PDE1B: variants seen among roughly 807,000 people sequenced by gnomAD.
PDE1B encodes dual specificity calcium/calmodulin-dependent 3',5'-cyclic nucleotide phosphodiesterase 1B.
Under a neutral mutation model 66.7 loss-of-function variants are expected in PDE1B, and 13 were observed. The observed-to-expected ratio is 0.19, with a 90% confidence interval of 0.13 to 0.31. PDE1B has a LOEUF of 0.31. Among genes scored for constraint, PDE1B ranks in the 10% least tolerant of loss-of-function variants. The probability of loss-of-function intolerance (pLI) is 1.00; values close to 1 mark genes in which losing one functional copy is unlikely to be tolerated. For synonymous variants in PDE1B, 230 were observed against 253.9 expected (o/e 0.91, Z 0.90); for missense variants, 485 against 682.3 (o/e 0.71, Z 3.22).
rs770369729 is a variant in PDE1B, at chr12:54,572,726, C to T, written c.720C>T (p.Leu240=). The change falls in exon 7 of 16, where the codon CTC becomes CTT. Residue 240 remains leucine, a synonymous_variant. Transcript: ENST00000243052. ...DVTQTVHCFL[L]RTGMVHCLSE... Reference sequence around the variant, plus strand: ...CCCAGACAGTCCATTGCTTCTTGCTCCGCACAGGGATGGTGGTAGGTGCCC... The same window carrying T: ...CCCAGACAGTCCATTGCTTCTTGCTTCGCACAGGGATGGTGGTAGGTGCCC... The T allele has an allele frequency of 1.0e-4, 161 of 1,614,046 alleles. No individual in the cohort carries two copies. The highest frequency in any genetic ancestry group is 1.3e-4 in the Non-Finnish European group (157 of 1,180,010).
intron 2 of PDE1B, among the ~76,000 whole-genome samples, chr12:54,558,063 G>T (rs533617783): frequency 6.6e-6 from 1 of 152,042 alleles, no homozygotes; most frequent in East Asian, 1.9e-4. Flanking sequence ...TCCCTTTCTC[G>T]TGTGATCTGA....
intron 10 of PDE1B, chr12:54,574,441 C>T (rs895101680): frequency 6.6e-6 from 1 of 152,396 alleles, no homozygotes; most frequent in Admixed American, 6.5e-5. Flanking sequence ...CTCAGAACCA[C>T]TCGATATGTG....
chr12:54,559,009 G>T (rs779091737), intron 2 of PDE1B, among the ~76,000 whole-genome samples: 48 of 152,078 alleles, frequency 3.2e-4, no homozygotes, highest in Non-Finnish European at 5.7e-4. Context: ...CTTTCCCAAG[G>T]TCACACATAG....
At chr12:54,550,764 T>A (rs970788301) in intron 2 of PDE1B, among the ~76,000 whole-genome samples, 1 of 152,178 alleles carries the variant, frequency 6.6e-6, no homozygotes, top group Non-Finnish European at 1.5e-5. Flanking sequence ...CTTTTCCTAT[T>A]GTTGCAGTAC....
chr12:54,549,794 G>T, intron 1 of PDE1B, 22 bp downstream of exon 1: 3 of 1,124,122 alleles, frequency 2.7e-6, no homozygotes, highest in Admixed American at 3.6e-5. Flanking sequence ...CTGGGATGGG[G>T]GGTGAGGGTC....
chr12:54,555,527 A>T (rs186684300), intron 2 of PDE1B, among the ~76,000 whole-genome samples: 8 of 152,292 alleles, frequency 5.3e-5, no homozygotes, highest in African/African-American at 1.9e-4. Flanking sequence ...AAGCCTGCAC[A>T]TCTATATAAC....
chr12:54,574,506 A>G (rs570368243), intron 10 of PDE1B: 2 of 152,344 alleles, frequency 1.3e-5, no homozygotes, highest in Non-Finnish European at 2.9e-5. Context: ...GGAAATTTTA[A>G]GTAACTTGCT....
chr12:54,572,205 G>A (rs569131083), intron 6 of PDE1B: 1 of 170,168 alleles, frequency 5.9e-6, no homozygotes, highest in Admixed American at 5.8e-5. Flanking sequence ...CCTTCTTCAT[G>A]GTTTTGGATG....
intron 2 of PDE1B, among the ~76,000 whole-genome samples, chr12:54,560,480 T>G (rs1460212589): frequency 6.6e-6 from 1 of 152,188 alleles, no homozygotes; most frequent in Non-Finnish European, 1.5e-5. Flanking sequence ...TTTTCCCCAA[T>G]GCGTTGGGCT....
intron 3 of PDE1B, 97 bp downstream of exon 3, chr12:54,567,184 G>T: frequency 1.6e-6 from 1 of 624,444 alleles, no homozygotes. Context: ...GGCATGGACA[G>T]AGACCGGAAG....
intron 2 of PDE1B, among the ~76,000 whole-genome samples, chr12:54,565,503 C>T (rs1957498103): frequency 6.6e-6 from 1 of 152,328 alleles, no homozygotes; most frequent in Middle Eastern, 3.4e-3. Flanking sequence ...TATTCCTCCT[C>T]CCTAATGAAG....
chr12:54,564,960 C>T (rs754282668), intron 2 of PDE1B, among the ~76,000 whole-genome samples: 2 of 152,176 alleles, frequency 1.3e-5, no homozygotes, highest in African/African-American at 2.4e-5. Context: ...GCAATTCCTT[C>T]CCCGCCTCCC....
At chr12:54,568,582 C>T (rs1215103446) in intron 3 of PDE1B, among the ~76,000 whole-genome samples, 2 of 151,460 alleles carry the variant, frequency 1.3e-5, no homozygotes, top group African/African-American at 2.4e-5. Flanking sequence ...CGGTGGCTCA[C>T]GCCTATAATC....
Position 54,573,881 on chromosome 12 carries a change from G to GTGTGTA in PDE1B, c.1064+177_1064+178insATGTGT. The GTGTGTA allele has an allele frequency of 1.8e-6, 1 of 562,420 alleles. No individual in the cohort carries two copies. The highest frequency in any genetic ancestry group is 3.2e-6 in the Non-Finnish European group (1 of 310,004). 34.8% of individuals were successfully genotyped at this position (562,420 alleles called of 1,614,324 possible). ...TGAGAGAGAGAGAGAGTGTGTGTGT[G>GTGTGTA]TGTGTGTGTGTGTGTGTGTGTGTGT... is the stretch of plus-strand genomic sequence containing the variant. On this transcript the variant is annotated intron_variant, in intron 10 of 15. Transcript: ENST00000243052. This position sits in a 1 kb window ranked among gnomAD's most constrained non-coding sequence, Gnocchi z 5.2.
intron 2 of PDE1B, among the ~76,000 whole-genome samples, chr12:54,560,834 A>G (rs1957398057): frequency 6.6e-6 from 1 of 152,188 alleles, no homozygotes; most frequent in Non-Finnish European, 1.5e-5. Flanking sequence ...CAAATGAGAA[A>G]ACTGGGGCTG....
chr12:54,577,557 G>A (rs757071539), intron 15 of PDE1B: 1 of 1,535,514 alleles, frequency 6.5e-7, no homozygotes, highest in Non-Finnish European at 8.7e-7. Context: ...AGGAACAAAG[G>A]AGGTACCTTC....
intron 2 of PDE1B, among the ~76,000 whole-genome samples, chr12:54,564,497 G>A (rs1484033657): frequency 6.6e-6 from 1 of 152,146 alleles, no homozygotes; most frequent in Non-Finnish European, 1.5e-5. Context: ...AGCCGGGCAT[G>A]GTAGCACATG....
intron 2 of PDE1B, among the ~76,000 whole-genome samples, chr12:54,552,678 G>A (rs897982322): frequency 1.3e-5 from 2 of 152,206 alleles, no homozygotes; most frequent in African/African-American, 4.8e-5. Flanking sequence ...TATCATATGA[G>A]CTGAAGAGAA....
At chr12:54,566,197 C>A (rs1037970372) in intron 2 of PDE1B, among the ~76,000 whole-genome samples, 2 of 152,152 alleles carry the variant, frequency 1.3e-5, no homozygotes, top group African/African-American at 4.8e-5. Context: ...GCAAAACATC[C>A]AGTGAATGAG....
Sources: allele counts gnomAD v4.1 joint callset (sites outside exome capture counted in the v4.1 genomes callset), GRCh38; gene constraint gnomAD v4.1.1; non-coding constraint Gnocchi (gnomAD v3.1); transcripts MANE v1.5; gene names NCBI Gene and HGNC (gene_info 2026-07-23, HGNC 2026-07-21).